TOP1MT: variants seen among roughly 807,000 people sequenced by gnomAD.
The protein encoded by TOP1MT is DNA topoisomerase I mitochondrial, also known as DNA topoisomerase I, mitochondrial.
Under a neutral mutation model 73.9 loss-of-function variants are expected in TOP1MT, and 80 were observed. The observed-to-expected ratio is 1.08, with a 90% CI of 0.90 to 1.30. TOP1MT has a LOEUF of 1.30. Ranked by LOEUF, TOP1MT falls within the 50% of genes most tolerant of loss-of-function variation. The pLI, the probability that TOP1MT is intolerant of heterozygous loss-of-function variation, is 0.00. For missense variants in TOP1MT, 815 were observed against 808.0 expected, an observed-to-expected ratio of 1.01 and a Z score of -0.10; for synonymous variants, 338 against 326.4, an observed-to-expected ratio of 1.04 and a Z score of -0.38.
chr8:143,353,793 G>A (rs2450753), intron 1 of TOP1MT, among the ~76,000 whole-genome samples: 16,092 of 151,354 alleles, frequency 0.11, 2,909 homozygotes, highest in African/African-American at 0.37. Flanking sequence ...GTGAAACCCC[G>A]TCTCTACTAA....
At chr8:143,323,838 T>C (rs1421290128) in intron 7 of TOP1MT, among the ~76,000 whole-genome samples, 161 bp downstream of exon 7, 2 of 151,522 alleles carry the variant, frequency 1.3e-5, no homozygotes, top group Non-Finnish European at 2.9e-5. Context: ...CCTACACACA[T>C]GTTCACACCC....
At chr8:143,356,184 C>G (rs950454933), upstream of TOP1MT, 2 of 152,036 alleles carry the variant, frequency 1.3e-5, no homozygotes, top group Admixed American at 6.5e-5. Flanking sequence ...ATGGGGCCGG[C>G]CAGGCCCAGG....
chr8:143,328,128 C>T (rs1563764490), intron 3 of TOP1MT: 9 of 424,438 alleles, frequency 2.1e-5, no homozygotes, highest in Non-Finnish European at 4.2e-5. Context: ...CTACAAACAC[C>T]ATGAAAGATT....
chr8:143,322,354 C>G (rs1395153457), intron 7 of TOP1MT, among the ~76,000 whole-genome samples: 8 of 96,552 alleles, frequency 8.3e-5, no homozygotes, highest in East Asian at 3.7e-4. Flanking sequence ...ACGCCACACA[C>G]GCACGCCACA....
At chr8:143,328,180 C>T (rs906550442) in intron 3 of TOP1MT, 3 of 450,758 alleles carry the variant, frequency 6.7e-6, no homozygotes, top group South Asian at 1.6e-5. Context: ...AAACAGGACA[C>T]AAAAGTACTC....
upstream of TOP1MT, among the ~76,000 whole-genome samples, chr8:143,356,639 A>G (rs1310658074): frequency 6.7e-6 from 1 of 150,342 alleles, no homozygotes; most frequent in Non-Finnish European, 1.5e-5. Flanking sequence ...TACTAAAATT[A>G]GCCAGTCATG....
rs764593602 is a variant in TOP1MT, at chr8:143,317,989, C to T, written c.1215+29G>A. 23 of 1,613,332 alleles carry T rather than the reference C, an allele frequency of 1.4e-5. No homozygotes were observed. In the Admixed American group the frequency reaches 3.3e-4, roughly 23 times the overall value. ...CCTCTCACTGGGTCCTGCCGCCGCCCACTGCTGAGGAAACACGAGCCGGCT... is the reference window on the plus strand; with the variant it reads ...CCTCTCACTGGGTCCTGCCGCCGCCTACTGCTGAGGAAACACGAGCCGGCT... On this transcript the variant is annotated intron_variant, in intron 9 of 13. Coordinates refer to ENST00000329245, the MANE Select transcript of TOP1MT (RefSeq NM_052963.3).
chr8:143,338,347 C>T (rs1817018192), upstream of TOP1MT, among the ~76,000 whole-genome samples: 1 of 152,048 alleles, frequency 6.6e-6, no homozygotes, highest in East Asian at 1.9e-4. Flanking sequence ...GCGGGCGGAT[C>T]ACCTGAGGTC....
In TOP1MT at chr8:143,318,043, C is replaced by T. The variant is rs773807421; in HGVS notation, c.1190G>A (p.Arg397Gln). 34 of 1,613,986 alleles carry T rather than the reference C, an allele frequency of 2.1e-5. 1 individual carries two copies. The highest frequency in any genetic ancestry group is 2.5e-5 in the Non-Finnish European group (30 of 1,180,014). Reference sequence around the variant, plus strand: ...GGTCAGCCTGTCGAAGAGGTCGTCCCGGGGGTCCTTGTTCTCCATAAAGAG... The same window carrying T: ...GGTCAGCCTGTCGAAGAGGTCGTCCTGGGGGTCCTTGTTCTCCATAAAGAG... The part of the protein sequence containing the change: ...LQLFMENKDP[R>Q]DDLFDRLTTT... The change falls in exon 9 of 14, where the codon CGG becomes CAG. Residue 397 changes from arginine to glutamine, a missense_variant. Arg to Gln is a conservative substitution (Grantham distance 43). This residue lies in a region of TOP1MT where 751 missense variants were observed against 725.4 expected (regional missense o/e 1.04). Coordinates refer to ENST00000329245, the MANE Select transcript of TOP1MT (RefSeq NM_052963.3).
rs752158768 is a variant in TOP1MT at position 143,324,109 on chromosome 8, G to C, written c.850C>G (p.Arg284Gly). 2 of 1,613,786 alleles carry C rather than the reference G, an allele frequency of 1.2e-6. No homozygotes were observed. The highest frequency in any genetic ancestry group is 1.3e-5 in the African/African-American group (1 of 75,044). ...ETAWQKFETARRLRGFVDEIR... is the reference protein window; with the variant it reads ...ETAWQKFETAGRLRGFVDEIR... The stretch of plus-strand genomic sequence containing the variant: ...TCGTCCACAAATCCCCGCAGGCGTC[G>C]AGCTGTTTCAAACTTCTGCCAAGCT... The change falls in exon 7 of 14, where the codon CGA becomes GGA. Residue 284 changes from arginine to glycine, a missense_variant. Physicochemically the swap from Arg to Gly is moderately radical, Grantham distance 125. This residue lies in a region of TOP1MT where 751 missense variants were observed against 725.4 expected (regional missense o/e 1.04). Coordinates refer to ENST00000329245, the MANE Select transcript of TOP1MT (RefSeq NM_052963.3).
At chr8:143,328,316 C>T (rs1469155208) in intron 3 of TOP1MT, 1 of 451,092 alleles carries the variant, frequency 2.2e-6, no homozygotes, top group Non-Finnish European at 4.4e-6. Context: ...GGCAAAGAAC[C>T]TGCACCCAGG....
intron 7 of TOP1MT, among the ~76,000 whole-genome samples, chr8:143,321,886 C>T (rs1816412840): frequency 2.1e-5 from 2 of 94,040 alleles, no homozygotes; most frequent in African/African-American, 4.6e-5. Context: ...ACACGCACGC[C>T]ACACACAGGC....
chr8:143,324,031 G>C lies in TOP1MT; in HGVS notation c.928C>G (p.Gln310Glu). Residue 310 changes from glutamine (Q) to glutamate (E), a missense_variant, in exon 7 of 14, where the codon CAG (glutamine) becomes GAG (glutamate). This residue lies in a region of TOP1MT where 751 missense variants were observed against 725.4 expected (regional missense o/e 1.04). Coordinates refer to ENST00000329245, the MANE Select transcript of TOP1MT (RefSeq NM_052963.3). ...DWKSREMKTR[Q>E]RAVALYFIDK... ...ATGAAATACAGGGCCACCGCCCGCTGTCTCGTCTTCATTTCCCGAGACTTC... is the reference window on the plus strand; with the variant it reads ...ATGAAATACAGGGCCACCGCCCGCTCTCTCGTCTTCATTTCCCGAGACTTC... 6.2e-7 allele frequency: 1 copy of C among 1,613,820 alleles called. No homozygotes were observed. Among genetic ancestry groups the C allele is most frequent in the Non-Finnish European group, 8.5e-7 (1 of 1,180,030 alleles).
chr8:143,326,183 G>T, intron 4 of TOP1MT, 39 bp downstream of exon 4: 1 of 1,608,252 alleles, frequency 6.2e-7, no homozygotes, highest in Non-Finnish European at 8.5e-7. Flanking sequence ...TCGTTCCCAG[G>T]GGCCACTTCA....
Position 143,324,509 on chromosome 8 carries a change from C to G in TOP1MT, c.792G>C (p.Met264Ile). The part of the protein sequence containing the change: ...ESVQNSIKYI[M>I]LNPCSKLKGE... ...CCTTCAGCTTCGAGCAAGGGTTCAG[C>G]ATGATGTACTTGATGGAGTTCTGAA... Residue 264 changes from methionine to isoleucine, a missense_variant, in exon 6 of 14, where the codon ATG becomes ATC. Physicochemically the swap from Met to Ile is conservative, Grantham distance 10. Transcript: ENST00000329245. 6.2e-7 allele frequency: 1 copy of G among 1,613,994 alleles called. No homozygotes were observed. The highest frequency in any genetic ancestry group is 8.5e-7 in the Non-Finnish European group (1 of 1,180,022).
intron 7 of TOP1MT, among the ~76,000 whole-genome samples, chr8:143,321,732 G>C (rs1229804469): frequency 1.3e-4 from 7 of 55,256 alleles, no homozygotes; most frequent in Admixed American, 2.4e-4. Context: ...GCCACACACA[G>C]GTACGCCACA....
intron 7 of TOP1MT, among the ~76,000 whole-genome samples, chr8:143,321,830 A>C (rs1190538235): frequency 9.0e-6 from 1 of 110,554 alleles, no homozygotes; most frequent in Non-Finnish European, 1.8e-5. Flanking sequence ...CGCACGCTAC[A>C]CACACACGCC....
Position 143,309,839 on chromosome 8 carries a change from G to A in TOP1MT, c.1703+229C>T, listed in dbSNP as rs767687571. 1.4e-5 allele frequency: 21 copies of A among 1,534,666 alleles called. No individual in the cohort carries two copies. The Admixed American group carries it at 4.1e-4, about 30-fold the overall frequency. On this transcript the variant is annotated intron_variant, in intron 13 of 13. Coordinates refer to ENST00000329245, the MANE Select transcript of TOP1MT (RefSeq NM_052963.3). ...CCACAGGCCCTCCTGATGCCTCCGA[G>A]TCCCAGGCCACTGTCAGCACCCCCA...
At position 143,342,007 on chromosome 8, in the gene TOP1MT, C is replaced by T. The variant is rs534973043; in HGVS notation, c.29+1213G>A. 2.1e-4 allele frequency among the ~76,000 whole-genome samples: 31 copies of T among 145,146 alleles called. 1 individual carries two copies. The South Asian group carries it at 5.6e-3, about 26-fold the overall frequency. On this transcript the variant is annotated intron_variant, in intron 2 of 5. Coordinates refer to the TOP1MT transcript ENST00000518007. ...ATTATTATTATTAGAGACAGAGTCTCGCTCTGTTATTATATTAGAGACAGA... is the reference window on the plus strand; with the variant it reads ...ATTATTATTATTAGAGACAGAGTCTTGCTCTGTTATTATATTAGAGACAGA...
Sources: allele counts gnomAD v4.1 joint callset (sites outside exome capture counted in the v4.1 genomes callset), GRCh38; gene constraint gnomAD v4.1.1; regional missense constraint gnomAD v4.1.1; transcripts MANE v1.5; gene names NCBI Gene and HGNC (gene_info 2026-07-23, HGNC 2026-07-21).